The following CWF19L1 variants were observed in gnomAD, a reference collection of about 807,000 sequenced individuals.
The protein encoded by CWF19L1 is CWF19-like protein 1.
CWF19L1 carries 60 observed loss-of-function variants against 69.7 expected under a neutral mutation model. The ratio of observed to expected loss-of-function variants is 0.86; its 90% CI spans 0.70 to 1.07. CWF19L1 has a LOEUF of 1.07. Ranked by LOEUF, CWF19L1 falls within the 50% of genes least tolerant of loss-of-function variation. The pLI is 0.00. For synonymous variants in CWF19L1, 209 were observed against 222.2 expected (o/e 0.94, Z 0.53); for missense variants, 591 against 638.9 (o/e 0.92, Z 0.81).
chr10:100,245,972 C>T (rs1384417768), intron 8 of CWF19L1, 59 bp from the exon 9 acceptor site: 19 of 1,198,788 alleles, frequency 1.6e-5, no homozygotes, highest in African/African-American at 1.2e-4. Flanking sequence ...GATAAGTAGC[C>T]GACCACTCAC....
intron 5 of CWF19L1, among the ~76,000 whole-genome samples, chr10:100,256,052 A>T (rs1346160403): frequency 1.3e-5 from 2 of 152,214 alleles, no homozygotes; most frequent in Non-Finnish European, 2.9e-5. Flanking sequence ...AGATTTCAGC[A>T]GTCTCATCTA....
intron 6 of CWF19L1, among the ~76,000 whole-genome samples, chr10:100,252,012 G>GT (rs1414326258): frequency 1.3e-5 from 2 of 152,146 alleles, no homozygotes; most frequent in South Asian, 2.1e-4. Flanking sequence ...TGGGATTATG[G>GT]TAAGGGGGGT....
intron 10 of CWF19L1, 102 bp from the exon 11 acceptor site, chr10:100,238,333 G>T: frequency 2.1e-6 from 2 of 940,174 alleles, no homozygotes; most frequent in Non-Finnish European, 3.3e-6. Context: ...TAGGCGAAAA[G>T]TACTTGAGGT....
In CWF19L1 at chr10:100,256,285, C is replaced by T. The variant is rs148854529; in HGVS notation, c.481G>A (p.Val161Met). ...ACAGAAGAATTCCCAAAGTTCCCCA[C>T]ACACTTGGGCCATGGGGATGTGAGC... ...ILLTSPWPKC[V>M]GNFGNSSGEV... The change falls in exon 5 of 14, where the codon GTG (valine) becomes ATG (methionine). Residue 161 changes from valine (V) to methionine (M), a missense_variant. Val to Met is a conservative substitution (Grantham distance 21). Transcript: ENST00000354105. 4.5e-5 allele frequency: 72 copies of T among 1,613,872 alleles called. No homozygotes were observed. In the Middle Eastern group the frequency reaches 4.9e-4, roughly 11 times the overall value.
rs751417213 is a variant in CWF19L1, at chr10:100,238,141, C to A, written c.1135G>T (p.Ala379Ser). The A allele has an allele frequency of 4.3e-6, 7 of 1,614,024 alleles. No homozygotes were observed. Among genetic ancestry groups the A allele is most frequent in the Non-Finnish European group, 5.9e-6 (7 of 1,180,038 alleles). The part of the protein sequence containing the change: ...GHYQSVVELS[A>S]EVVEEVEKYK... ...TTCTCCACCTCTTCTACCACCTCTGCTGAAAGCTCCACCACTGACTGGTAG... is the reference window on the plus strand; with the variant it reads ...TTCTCCACCTCTTCTACCACCTCTGATGAAAGCTCCACCACTGACTGGTAG... Residue 379 changes from alanine (A) to serine (S), a missense_variant, in exon 11 of 14, where the codon GCA becomes TCA. This residue lies in a region of CWF19L1 where 458 missense variants were observed against 489.3 expected (regional missense o/e 0.94). Coordinates refer to ENST00000354105, the MANE Select transcript of CWF19L1 (RefSeq NM_018294.6).
chr10:100,237,050 AT>A, intron 11 of CWF19L1, 81 bp from the exon 12 acceptor site: 1 of 1,492,688 alleles, frequency 6.7e-7, no homozygotes, highest in Non-Finnish European at 9.0e-7. Context: ...GAAGTAGCAA[AT>A]CCATCACAGG....
Position 100,235,776 on chromosome 10 carries a change from A to G in CWF19L1, c.1375-12T>C. The G allele has an allele frequency of 6.3e-7, 1 of 1,575,690 alleles. No individual in the cohort carries two copies. Among genetic ancestry groups the G allele is most frequent in the Non-Finnish European group, 8.7e-7 (1 of 1,149,288 alleles). Reference sequence around the variant, plus strand: ...CCTGGCTGTGCAATCTAAAGTAAACAGAGTTGTATGAGGATGTCCAATAAT... The same window carrying G: ...CCTGGCTGTGCAATCTAAAGTAAACGGAGTTGTATGAGGATGTCCAATAAT... On this transcript the variant is annotated splice_polypyrimidine_tract_variant and intron_variant, in intron 12 of 13. Coordinates refer to ENST00000354105, the MANE Select transcript of CWF19L1 (RefSeq NM_018294.6).
chr10:100,246,297 T>C (rs531612153), intron 8 of CWF19L1, among the ~76,000 whole-genome samples: 1 of 152,216 alleles, frequency 6.6e-6, no homozygotes, highest in Non-Finnish European at 1.5e-5. Context: ...ATGAGAAGGC[T>C]GCTTGGAAAG....
At chr10:100,249,158 T>C in intron 7 of CWF19L1, 1 of 342,210 alleles carries the variant, frequency 2.9e-6, no homozygotes, top group Non-Finnish European at 5.5e-6. Flanking sequence ...GCCCCAACCC[T>C]AGAAATCACT....
Position 100,267,606 on chromosome 10 carries a change from T to C in CWF19L1, c.-13A>G, listed in dbSNP as rs141257965. 3.5e-5 allele frequency: 57 copies of C among 1,614,154 alleles called. No individual in the cohort carries two copies. In the East Asian group the frequency reaches 1.0e-3, roughly 29 times the overall value. ...GTTTCTGTGCCATCTGTCCGAATAG[T>C]ATGGGTTGCGACTGCCACCTAAAAT... On this transcript the variant is annotated 5_prime_UTR_variant, in exon 1 of 14. The change creates a new upstream start codon in the 5' untranslated region. Transcript: ENST00000354105.
At chr10:100,261,200 GT>G (rs778893488) in intron 2 of CWF19L1, among the ~76,000 whole-genome samples, 156 bp from the exon 3 acceptor site, 1 of 152,172 alleles carries the variant, frequency 6.6e-6, no homozygotes, top group Non-Finnish European at 1.5e-5. Context: ...AGCAGCAACT[GT>G]TAACAGTTAC....
intron 7 of CWF19L1, 73 bp downstream of exon 7, chr10:100,250,175 T>G: frequency 3.8e-6 from 4 of 1,050,018 alleles, no homozygotes; most frequent in Non-Finnish European, 5.9e-6. Flanking sequence ...ATCTGAATGC[T>G]AAACTGGACA....
intron 4 of CWF19L1, among the ~76,000 whole-genome samples, chr10:100,259,131 T>C (rs1666302374): frequency 7.0e-6 from 1 of 143,052 alleles, no homozygotes; most frequent in Non-Finnish European, 1.5e-5. Context: ...AACCAGGGAG[T>C]CGGATGTTGC....
chr10:100,233,824 T>C (rs1180054901), intron 13 of CWF19L1: 2 of 152,384 alleles, frequency 1.3e-5, no homozygotes, highest in Non-Finnish European at 2.9e-5. Flanking sequence ...ACAGTCAAAG[T>C]GCCATATTAG....
At chr10:100,245,652 A>G (rs1046528123) in intron 9 of CWF19L1, 147 bp downstream of exon 9, 2 of 622,586 alleles carry the variant, frequency 3.2e-6, no homozygotes, top group Admixed American at 2.9e-5. Flanking sequence ...GGCCATGTTT[A>G]TATTTTATTT....
intron 1 of CWF19L1, among the ~76,000 whole-genome samples, chr10:100,263,799 C>A (rs1847481009): frequency 1.3e-5 from 2 of 152,214 alleles, no homozygotes; most frequent in South Asian, 4.1e-4. Flanking sequence ...CCTTAATAAA[C>A]CCTGAATCCC....
chr10:100,237,982 C>G, intron 11 of CWF19L1, 40 bp downstream of exon 11: 1 of 1,567,494 alleles, frequency 6.4e-7, no homozygotes, highest in East Asian at 2.2e-5. Flanking sequence ...ATCAAAGTCC[C>G]CATAGCGCCC....
At chr10:100,252,021 G>T (rs565243679) in intron 6 of CWF19L1, among the ~76,000 whole-genome samples, 1 of 152,252 alleles carries the variant, frequency 6.6e-6, no homozygotes, top group African/African-American at 2.4e-5. Flanking sequence ...GGTAAGGGGG[G>T]TATTCTCTTC....
chr10:100,233,422 T>C lies in CWF19L1; in HGVS notation c.1473-51A>G, dbSNP rs774435385. ...AAATGGAAACTATCAGCCTGAGCTC[T>C]CCTCAACATCACCCAAAGGAGGTAT... On this transcript the variant is annotated intron_variant, in intron 13 of 13. Transcript: ENST00000354105. 17 of 1,575,196 alleles carry C rather than the reference T, an allele frequency of 1.1e-5. 1 individual carries two copies. In the South Asian group the frequency reaches 1.9e-4, roughly 18 times the overall value.
Sources: allele counts gnomAD v4.1 joint callset (sites outside exome capture counted in the v4.1 genomes callset), GRCh38; gene constraint gnomAD v4.1.1; regional missense constraint gnomAD v4.1.1; transcripts MANE v1.5; gene names NCBI Gene and HGNC (gene_info 2026-07-23, HGNC 2026-07-21).